Variants in TMPRSS6 observed in about 807,000 individuals in gnomAD.
The protein encoded by TMPRSS6 is transmembrane protease serine 6.
A neutral mutation model predicts 101.5 loss-of-function variants in TMPRSS6; 67 were observed. The observed-to-expected ratio is 0.66, with a 90% CI of 0.54 to 0.81. The LOEUF is 0.81. Among genes scored for constraint, TMPRSS6 ranks in the 30% least tolerant of loss-of-function variants. The pLI is 0.00. For synonymous variants in TMPRSS6, 453 were observed against 464.9 expected, an observed-to-expected ratio of 0.97 and a Z score of 0.33; for missense variants, 1,034 against 1,088.7, an observed-to-expected ratio of 0.95 and a Z score of 0.71.
At chr22:37,066,730 G>T in intron 17 of TMPRSS6, 96 bp downstream of exon 17, 2 of 1,533,806 alleles carry the variant, frequency 1.3e-6, no homozygotes, top group Non-Finnish European at 1.8e-6. Flanking sequence ...AGGATGGGAG[G>T]CTTCAGCAGG....
At chr22:37,083,736 AG>A (rs1928444369) in intron 10 of TMPRSS6, among the ~76,000 whole-genome samples, 1 of 152,334 alleles carries the variant, frequency 6.6e-6, no homozygotes, top group Admixed American at 6.5e-5. Context: ...TCGGAAACTT[AG>A]TTACCAGAGG....
rs972621077 is a variant in TMPRSS6 at position 37,069,660 on chromosome 22, C to G, written c.1842-316G>C. ...ATGTTCTTGAGAGAATCCAATAAGA[C>G]CGTGTATCTAAAAAATGTAGCACAG... On this transcript the variant is annotated intron_variant, in intron 15 of 17. Coordinates refer to ENST00000676104, the MANE Select transcript of TMPRSS6 (RefSeq NM_001374504.1). The surrounding 1 kb of genome is among the most constrained non-coding windows in gnomAD (Gnocchi z 4.8). Among the ~76,000 whole-genome samples, 1 of 152,322 alleles carries G rather than the reference C, an allele frequency of 6.6e-6. No individual in the cohort carries two copies. The highest frequency in any genetic ancestry group is 2.4e-5 in the African/African-American group (1 of 41,558).
At position 37,069,142 on chromosome 22, in the gene TMPRSS6, C is replaced by T. The variant is rs745834966; in HGVS notation, c.2044G>A (p.Ala682Thr). The part of the protein sequence containing the change: ...SAAVRPVCLP[A>T]RSHFFEPGLH... The stretch of plus-strand genomic sequence containing the variant: ...CCGGGCTCGAAGAAGTGGGAGCGCG[C>T]GGGCAGGCAGACGGGGCGCACGGCG... The change falls in exon 16 of 18, where the codon GCG (alanine) becomes ACG (threonine). Residue 682 changes from alanine (A) to threonine (T), a missense_variant. Coordinates refer to ENST00000676104, the MANE Select transcript of TMPRSS6 (RefSeq NM_001374504.1). This position sits in a 1 kb window ranked among gnomAD's most constrained non-coding sequence, Gnocchi z 4.8. 8.3e-6 allele frequency: 13 copies of T among 1,571,792 alleles called. No homozygotes were observed. The South Asian group carries it at 1.2e-4, about 14-fold the overall frequency.
intron 7 of TMPRSS6, among the ~76,000 whole-genome samples, chr22:37,086,624 G>A (rs1272452725): frequency 1.3e-5 from 2 of 152,158 alleles, no homozygotes; most frequent in Non-Finnish European, 2.9e-5. Flanking sequence ...GGCCCTCCAA[G>A]GACCAGGCTA....
At chr22:37,097,815 G>GA (rs1601568113) in intron 3 of TMPRSS6, among the ~76,000 whole-genome samples, 2 of 125,822 alleles carry the variant, frequency 1.6e-5, no homozygotes, top group Admixed American at 7.5e-5. Context: ...AGGGGCAGGA[G>GA]CGGCCACCGT....
rs79329634 is a variant in TMPRSS6 at position 37,086,061 on chromosome 22, C to T, written c.973+222G>A. On this transcript the variant is annotated intron_variant, in intron 8 of 17. Transcript: ENST00000676104. ...AGCGATGCCAGGAAGACAGAGACTG[C>T]GAATGGTAGGACGGTCAAGGGGAAG... Among the ~76,000 whole-genome samples the T allele has an allele frequency of 9.6e-3, 1,357 of 141,784 alleles. 12 individuals are homozygous for T. Among genetic ancestry groups the T allele is most frequent in the African/African-American group, 0.034 (1,280 of 37,392 alleles). 93.0% of individuals were successfully genotyped at this position (141,784 alleles called of 152,430 possible). A position where few individuals can be genotyped will look rare whatever the true frequency, so the allele number is the denominator to read the frequency against.
intron 8 of TMPRSS6, 25 bp downstream of exon 8, chr22:37,086,258 G>GC: frequency 6.2e-7 from 1 of 1,614,008 alleles, no homozygotes; most frequent in Non-Finnish European, 8.5e-7. Context: ...CCCCTCCCCT[G>GC]CCCCAGGGAC....
chr22:37,075,059 G>T (rs1927497797), intron 11 of TMPRSS6, 76 bp downstream of exon 11: 2 of 1,604,378 alleles, frequency 1.2e-6, no homozygotes, highest in African/African-American at 1.3e-5. Context: ...GCTGCCCACA[G>T]CCCCCTTGGT....
At position 37,069,931 on chromosome 22, in the gene TMPRSS6, C is replaced by G. The variant is rs1172501294; in HGVS notation, c.1841+553G>C. On this transcript the variant is annotated intron_variant, in intron 15 of 17. Transcript: ENST00000676104. This position sits in a 1 kb window ranked among gnomAD's most constrained non-coding sequence, Gnocchi z 4.8. ...GCTAGGTGGTCAGAGCGCCCTGCGT[C>G]CCAGAGAGGATACAAAAGGGGATCC... 6.6e-6 allele frequency among the ~76,000 whole-genome samples: 1 copy of G among 152,138 alleles called. No individual in the cohort carries two copies. The highest frequency in any genetic ancestry group is 1.9e-4 in the East Asian group (1 of 5,178).
intron 3 of TMPRSS6, among the ~76,000 whole-genome samples, chr22:37,097,241 C>T (rs184121447): frequency 3.3e-4 from 51 of 152,328 alleles, no homozygotes; most frequent in African/African-American, 1.2e-3. Flanking sequence ...GAGGAGGAAA[C>T]GGGCAGCCTC....
chr22:37,107,405 G>A (rs962534214), intron 1 of TMPRSS6, among the ~76,000 whole-genome samples: 8 of 151,936 alleles, frequency 5.3e-5, no homozygotes, highest in Admixed American at 4.6e-4. Context: ...ATAATACAAC[G>A]GCTCCCCCAT....
rs1177436644 is a variant in TMPRSS6 at position 37,069,223 on chromosome 22, T to G, written c.1963A>C (p.Ser655Arg). The G allele has an allele frequency of 3.7e-6, 6 of 1,609,854 alleles. No homozygotes were observed. The highest frequency in any genetic ancestry group is 5.1e-6 in the Non-Finnish European group (6 of 1,178,802). ...AGCAGCGCCACGTCGTAGTCATGGC[T>G]GTCCTCTTCGTGGTACGGGTGCAGG... ...LLLHPYHEED[S>R]HDYDVALLQL... Residue 655 changes from serine (S) to arginine (R), a missense_variant, in exon 16 of 18, where the codon AGC (serine) becomes CGC (arginine). By Grantham distance (110) the Ser-to-Arg change is moderately radical (BLOSUM62 -1). Transcript: ENST00000676104. The surrounding 1 kb of genome is among the most constrained non-coding windows in gnomAD (Gnocchi z 4.8).
At chr22:37,106,794 A>G (rs376936739) in intron 1 of TMPRSS6, among the ~76,000 whole-genome samples, 5 of 152,122 alleles carry the variant, frequency 3.3e-5, no homozygotes, top group African/African-American at 1.2e-4. Context: ...TCCATCATGC[A>G]CATGGTGCCC....
rs941390868 is a variant in TMPRSS6, at chr22:37,069,290, C to T, written c.1896G>A (p.Ser632=). The change falls in exon 16 of 18, where the codon TCG becomes TCA. Residue 632 remains serine (S), a synonymous_variant. Transcript: ENST00000676104. The surrounding 1 kb of genome is among the most constrained non-coding windows in gnomAD (Gnocchi z 4.8). The part of the protein sequence containing the change: ...TVFLGKVWQN[S]RWPGEVSFKV... ...TGAAGGACACCTCTCCAGGCCAGCG[C>T]GAGTTCTGCCACACCTTGCCCAGGA... 1.3e-6 allele frequency: 2 copies of T among 1,512,054 alleles called. No homozygotes were observed. The highest frequency in any genetic ancestry group is 1.8e-6 in the Non-Finnish European group (2 of 1,115,826). The allele number at this position is 1,512,054 out of a possible 1,614,324, so 93.7% of individuals were successfully genotyped here. A position where few individuals can be genotyped will look rare whatever the true frequency, so the allele number is the denominator to read the frequency against.
In TMPRSS6 at chr22:37,072,305, TGATG is replaced by T. The variant is rs751739047; in HGVS notation, c.1555+1223_1555+1226del. On this transcript the variant is annotated intron_variant, in intron 13 of 17. Coordinates refer to ENST00000676104, the MANE Select transcript of TMPRSS6 (RefSeq NM_001374504.1). ...GATGGATGGATGATGGATGGATGGA[TGATG>T]GATGGATGGATGATGGATGAATGGA... 5.2e-3 allele frequency among the ~76,000 whole-genome samples: 633 copies of T among 120,590 alleles called. 4 individuals carry two copies. The highest frequency in any genetic ancestry group is 8.0e-3 in the Non-Finnish European group (485 of 60,824). 79.1% of individuals were successfully genotyped at this position (120,590 alleles called of 152,430 possible). A position where few individuals can be genotyped will look rare whatever the true frequency, so the allele number is the denominator to read the frequency against.
At position 37,070,664 on chromosome 22, in the gene TMPRSS6, G is replaced by A. The variant is rs777017934; in HGVS notation, c.1673-12C>T. ...CTGGAGGCCACAGTCTGGGGATGGG[G>A]GCAGGTGGTGGGGTGGACAGAGGAG... On this transcript the variant is annotated splice_polypyrimidine_tract_variant and intron_variant, in intron 14 of 17. Coordinates refer to ENST00000676104, the MANE Select transcript of TMPRSS6 (RefSeq NM_001374504.1). 1.5e-5 allele frequency: 24 copies of A among 1,611,976 alleles called. No homozygotes were observed. The highest frequency in any genetic ancestry group is 2.0e-5 in the Non-Finnish European group (23 of 1,179,472).
At chr22:37,102,298 T>C (rs1427314770) in intron 2 of TMPRSS6, among the ~76,000 whole-genome samples, 1 of 152,244 alleles carries the variant, frequency 6.6e-6, no homozygotes, top group African/African-American at 2.4e-5. Context: ...ATGTCAGGTC[T>C]GATGCCTTGG....
chr22:37,073,783 C>T (rs1193305614), intron 12 of TMPRSS6, 138 bp from the exon 13 acceptor site: 1 of 711,524 alleles, frequency 1.4e-6, no homozygotes, highest in East Asian at 2.6e-5. Flanking sequence ...ATTTTTATGT[C>T]TCGCTCTTGT....
At chr22:37,072,794 G>C (rs1241284631) in intron 13 of TMPRSS6, among the ~76,000 whole-genome samples, 1 of 148,056 alleles carries the variant, frequency 6.8e-6, no homozygotes, top group Non-Finnish European at 1.5e-5. Flanking sequence ...TGGACGGATG[G>C]ATGATGGATG....
Sources: gnomAD v4.1 joint callset for allele counts (sites outside exome capture counted in the v4.1 genomes callset) on GRCh38, gnomAD v4.1.1 for gene constraint, Gnocchi (gnomAD v3.1) non-coding constraint, MANE v1.5 for transcripts, NCBI Gene and HGNC (gene_info 2026-07-23, HGNC 2026-07-21) for gene names.